NXPE1: variants seen among roughly 807,000 people sequenced by gnomAD.
NXPE1 encodes the protein NXPE family member 1.
Under a neutral mutation model 33.3 loss-of-function variants are expected in NXPE1, and 31 were observed. The observed-to-expected ratio is 0.93, with a 90% CI of 0.70 to 1.26. NXPE1 has a LOEUF of 1.26. Ranked by LOEUF, NXPE1 falls within the 50% of genes most tolerant of loss-of-function variation. NXPE1 has a pLI of 0.00. For synonymous variants in NXPE1, 229 were observed against 231.4 expected (o/e 0.99, Z 0.09); for missense variants, 661 against 655.6 (o/e 1.01, Z -0.09).
At chr11:114,530,900 A>C in exon 6 of NXPE1, 4 of 1,603,436 alleles carry the variant, frequency 2.5e-6, no homozygotes, top group Middle Eastern at 1.7e-4. Context: ...AGTTTAGAGC[A>C]GACCAAAGCT....
At position 114,548,159 on chromosome 11, in the gene NXPE1, C is replaced by T. The variant is rs114649141; in HGVS notation, c.99+2944G>A. On this transcript the variant is annotated intron_variant, in intron 5 of 8. Coordinates refer to ENST00000534921, the Ensembl canonical transcript of NXPE1. Reference sequence around the variant, plus strand: ...ACACAAGCAATGAATATTTATGCACCGAGTACAGAGATACATGCTTAAAGC... The same window carrying T: ...ACACAAGCAATGAATATTTATGCACTGAGTACAGAGATACATGCTTAAAGC... Among the ~76,000 whole-genome samples the T allele has an allele frequency of 8.5e-3, 1,291 of 152,026 alleles. 28 individuals carry two copies. The highest frequency in any genetic ancestry group is 0.029 in the African/African-American group (1,199 of 41,496).
intron 7 of NXPE1, chr11:114,527,121 G>A (rs1421773675): frequency 6.6e-6 from 1 of 152,262 alleles, no homozygotes; most frequent in Non-Finnish European, 1.5e-5. Context: ...CTCAGTAAAT[G>A]TTTGCTGATC....
Position 114,522,350 on chromosome 11 carries a change from C to T in NXPE1, c.1262G>A (p.Arg421Gln), listed in dbSNP as rs116780049. 3.5e-4 allele frequency: 565 copies of T among 1,613,974 alleles called. No homozygotes were observed. In the African/African-American group the frequency reaches 5.8e-3, roughly 16 times the overall value. The change falls in exon 9 of 9, where the codon CGG (arginine) becomes CAG (glutamine). Residue 421 changes from arginine (R) to glutamine (Q), a missense_variant. Arg to Gln is a conservative substitution (Grantham distance 43, BLOSUM62 1). Coordinates refer to ENST00000534921, the Ensembl canonical transcript of NXPE1. ...GTCACCTGATAGCCGGTCAATTTCC[C>T]GAGGGATATAATCATGATCTATCAG...
intron 5 of NXPE1, among the ~76,000 whole-genome samples, chr11:114,537,814 C>T (rs560478232): frequency 6.6e-6 from 1 of 151,988 alleles, no homozygotes; most frequent in African/African-American, 2.4e-5. Context: ...ATTCCATGCT[C>T]ATGGGTAGGA....
In NXPE1 at chr11:114,533,800, G is replaced by A. The variant is rs1426954922; in HGVS notation, c.100-2892C>T. Among the ~76,000 whole-genome samples the A allele has an allele frequency of 3.3e-5, 5 of 152,334 alleles. No individual in the cohort carries two copies. The South Asian group carries it at 8.3e-4, about 25-fold the overall frequency. On this transcript the variant is annotated intron_variant, in intron 5 of 8. Coordinates refer to ENST00000534921, the Ensembl canonical transcript of NXPE1. The stretch of plus-strand genomic sequence containing the variant: ...CAAAGCGGCCGGGAAGCTCAAACTG[G>A]GTGGAGCCCACCACAGCTCAAGGAG...
intron 5 of NXPE1, among the ~76,000 whole-genome samples, chr11:114,539,441 A>G (rs1259459133): frequency 6.6e-6 from 1 of 152,226 alleles, no homozygotes; most frequent in Non-Finnish European, 1.5e-5. Context: ...AATAATAACA[A>G]AGAAAATACA....
intron 5 of NXPE1, among the ~76,000 whole-genome samples, chr11:114,538,200 T>C (rs1176119832): frequency 6.6e-6 from 1 of 152,226 alleles, no homozygotes; most frequent in Non-Finnish European, 1.5e-5. Context: ...ATTTAATAAA[T>C]GGTGCTGGGA....
chr11:114,536,146 C>T (rs1446613109), intron 5 of NXPE1, among the ~76,000 whole-genome samples: 1 of 152,142 alleles, frequency 6.6e-6, no homozygotes, highest in African/African-American at 2.4e-5. Context: ...AACCCCTCAA[C>T]TACATGGAAA....
At chr11:114,547,843 T>C (rs976584218) in intron 5 of NXPE1, among the ~76,000 whole-genome samples, 1 of 152,180 alleles carries the variant, frequency 6.6e-6, no homozygotes, top group African/African-American at 2.4e-5. Flanking sequence ...GACTTCAAAT[T>C]GTAAGTATCA....
At chr11:114,533,242 C>A (rs12275658) in intron 5 of NXPE1, among the ~76,000 whole-genome samples, 2,658 of 152,042 alleles carry the variant, frequency 0.017, 61 homozygotes, top group African/African-American at 0.057. Context: ...AGCAAGAAGC[C>A]GAATACAAAA....
chr11:114,546,765 T>C (rs956303655), intron 5 of NXPE1, among the ~76,000 whole-genome samples: 3 of 152,138 alleles, frequency 2.0e-5, no homozygotes, highest in African/African-American at 4.8e-5. Context: ...GCAGGGAATA[T>C]ACAAGATGAG....
chr11:114,543,584 C>T (rs1948175883), intron 5 of NXPE1, among the ~76,000 whole-genome samples: 1 of 151,306 alleles, frequency 6.6e-6, no homozygotes, highest in South Asian at 2.1e-4. Flanking sequence ...ACATAAGAGA[C>T]ATACTTATGG....
chr11:114,553,108 A>C (rs369327553), intron 1 of NXPE1, among the ~76,000 whole-genome samples: 56 of 152,140 alleles, frequency 3.7e-4, no homozygotes, highest in African/African-American at 1.2e-3. Flanking sequence ...GAAAATTCCT[A>C]TTCATTGTTT....
chr11:114,546,876 T>A (rs569669131), intron 5 of NXPE1, among the ~76,000 whole-genome samples: 119 of 152,270 alleles, frequency 7.8e-4, no homozygotes, highest in Non-Finnish European at 1.5e-3. Flanking sequence ...ATGGCCAAAG[T>A]AGAACAATTT....
chr11:114,537,430 A>G (rs1175912715), intron 5 of NXPE1, among the ~76,000 whole-genome samples: 7 of 152,078 alleles, frequency 4.6e-5, no homozygotes, highest in Non-Finnish European at 1.0e-4. Flanking sequence ...GTTCTGGCCA[A>G]GAAAATGAGG....
At chr11:114,553,312 G>A (rs527757207) in intron 1 of NXPE1, among the ~76,000 whole-genome samples, 7 of 152,228 alleles carry the variant, frequency 4.6e-5, no homozygotes, top group Non-Finnish European at 1.0e-4. Context: ...TCCCTCATTC[G>A]AGAGGAGAAT....
chr11:114,526,209 A>G (rs148570052), intron 7 of NXPE1, among the ~76,000 whole-genome samples: 327 of 152,332 alleles, frequency 2.1e-3, no homozygotes, highest in African/African-American at 7.3e-3. Flanking sequence ...AGGAAGGAAC[A>G]TGCTCCTGCT....
intron 5 of NXPE1, among the ~76,000 whole-genome samples, chr11:114,546,301 T>TTCC: frequency 6.6e-6 from 1 of 152,046 alleles, no homozygotes; most frequent in East Asian, 1.9e-4. Context: ...TTCCTCATGA[T>TTCC]TGATGTGGTA....
chr11:114,548,734 A>G (rs1036654706), intron 5 of NXPE1, among the ~76,000 whole-genome samples: 4 of 152,006 alleles, frequency 2.6e-5, no homozygotes, highest in Admixed American at 1.3e-4. Flanking sequence ...TTAAACACCC[A>G]GTTAAAAAGT....
Sources: allele counts gnomAD v4.1 joint callset (sites outside exome capture counted in the v4.1 genomes callset), GRCh38; gene constraint gnomAD v4.1.1; transcripts MANE v1.5; gene names NCBI Gene and HGNC (gene_info 2026-07-23, HGNC 2026-07-21).